SLC37A1: variants seen among roughly 807,000 people sequenced by gnomAD.
SLC37A1 encodes solute carrier family 37 member 1.
A neutral mutation model predicts 75.3 loss-of-function variants in SLC37A1; 49 were observed. The observed-to-expected ratio is 0.65, with a 90% CI of 0.52 to 0.83. SLC37A1 has a LOEUF of 0.83. Ranked by LOEUF, SLC37A1 falls within the 40% of genes least tolerant of loss-of-function variation. The pLI is 0.00. For synonymous variants in SLC37A1, 268 were observed against 292.1 expected (o/e 0.92, Z 0.84); for missense variants, 566 against 695.0 (o/e 0.81, Z 2.09).
chr21:42,543,927 C>T (rs117278742), intron 8 of SLC37A1, among the ~76,000 whole-genome samples: 8,957 of 152,334 alleles, frequency 0.059, 369 homozygotes, highest in Middle Eastern at 0.11. Context: ...TCATGCCCAT[C>T]TTGCCACCAC....
In SLC37A1 at chr21:42,554,056, TACCAG is replaced by T; in HGVS notation, c.769-5_769-1del. On this transcript the variant is annotated splice_acceptor_variant and splice_polypyrimidine_tract_variant and intron_variant, in intron 9 of 19. Transcript: ENST00000352133. LOFTEE classifies it high-confidence loss of function. ...ATCGCTCTAATGAAACTTTTTTTTTTACCAGCACTCAAAAGGCTATGAGAATGGTA... is the reference window on the plus strand; with the variant it reads ...ATCGCTCTAATGAAACTTTTTTTTTTCACTCAAAAGGCTATGAGAATGGTA... 6.2e-7 allele frequency: 1 copy of T among 1,602,498 alleles called. No individual in the cohort carries two copies. The highest frequency in any genetic ancestry group is 1.7e-5 in the Admixed American group (1 of 57,832).
At chr21:42,561,969 G>A in intron 11 of SLC37A1, 109 bp from the exon 12 acceptor site, 1 of 887,546 alleles carries the variant, frequency 1.1e-6, no homozygotes, top group Non-Finnish European at 1.9e-6. Flanking sequence ...AGCCAGACCA[G>A]AGACAGGATG....
chr21:42,559,503 A>G (rs999327605), intron 11 of SLC37A1, among the ~76,000 whole-genome samples: 1 of 152,194 alleles, frequency 6.6e-6, no homozygotes, highest in Admixed American at 6.5e-5. Flanking sequence ...ACAGGCCTTG[A>G]GCGTGAGCCC....
At chr21:42,567,994 T>A (rs1320709046) in intron 16 of SLC37A1, among the ~76,000 whole-genome samples, 1 of 152,226 alleles carries the variant, frequency 6.6e-6, no homozygotes, top group Non-Finnish European at 1.5e-5. Context: ...GACACGTGGA[T>A]GTGTCTGGGA....
At chr21:42,505,288 G>A (rs886199281) in intron 2 of SLC37A1, among the ~76,000 whole-genome samples, 25 of 152,182 alleles carry the variant, frequency 1.6e-4, no homozygotes, top group African/African-American at 5.5e-4. Context: ...ACTCTCTGCT[G>A]TGGCCATAAT....
chr21:42,575,823 C>T, intron 18 of SLC37A1: 1 of 985,400 alleles, frequency 1.0e-6, no homozygotes. Flanking sequence ...GACTCTCAAC[C>T]TATGAACTTA....
chr21:42,546,845 T>C (rs1297113719), intron 8 of SLC37A1, among the ~76,000 whole-genome samples: 1 of 152,214 alleles, frequency 6.6e-6, no homozygotes, highest in Non-Finnish European at 1.5e-5. Context: ...GTATGCAACA[T>C]GGTGTTACAG....
At chr21:42,535,430 A>G (rs2055112508) in intron 4 of SLC37A1, 42 bp from the exon 5 acceptor site, 4 of 1,548,060 alleles carry the variant, frequency 2.6e-6, no homozygotes, top group Non-Finnish European at 3.6e-6. Flanking sequence ...ACATAAACTA[A>G]ACAATACTGA....
chr21:42,517,759 G>A (rs1238695035), intron 1 of SLC37A1, among the ~76,000 whole-genome samples: 5 of 152,298 alleles, frequency 3.3e-5, no homozygotes, highest in Non-Finnish European at 5.9e-5. Context: ...AGAGGCAGAC[G>A]AGGCAAATTC....
At chr21:42,501,655 T>G (rs1375410515) in intron 1 of SLC37A1, among the ~76,000 whole-genome samples, 1 of 152,168 alleles carries the variant, frequency 6.6e-6, no homozygotes, top group Non-Finnish European at 1.5e-5. Context: ...GAGGTTGCAG[T>G]GAGCCGAGAT....
At position 42,535,620 on chromosome 21, in the gene SLC37A1, A is replaced by G. The variant is rs75815092; in HGVS notation, c.350+70A>G. The G allele has an allele frequency of 8.8e-3, 12,202 of 1,382,110 alleles. 834 individuals are homozygous for G. In the African/African-American group the frequency reaches 0.15, roughly 17 times the overall value. The allele number at this position is 1,382,110 out of a possible 1,614,324, so 85.6% of individuals were successfully genotyped here. A position where few individuals can be genotyped will look rare whatever the true frequency, so the allele number is the denominator to read the frequency against. ...CCTCCGTGCAGAGAAGACATCCGCT[A>G]TGCTGAAGTGCACAGGCGCGCGGGA... On this transcript the variant is annotated intron_variant, in intron 5 of 19. Transcript: ENST00000352133.
intron 3 of SLC37A1, among the ~76,000 whole-genome samples, chr21:42,530,650 A>ACCCCCCCCCCC (rs1460499515): frequency 3.9e-5 from 1 of 25,598 alleles, no homozygotes; most frequent in Non-Finnish European, 8.4e-5. Flanking sequence ...ACACACACAC[A>ACCCCCCCCCCC]CACACCCCCT....
At chr21:42,561,874 G>T in intron 11 of SLC37A1, 2 of 522,094 alleles carry the variant, frequency 3.8e-6, no homozygotes, top group Non-Finnish European at 6.9e-6. Flanking sequence ...GCCCCTGCTC[G>T]GGGTGAGCGC....
chr21:42,509,851 T>C (rs1362575629), upstream of SLC37A1, among the ~76,000 whole-genome samples: 1 of 152,214 alleles, frequency 6.6e-6, no homozygotes, highest in Non-Finnish European at 1.5e-5. This position sits in a 1 kb window ranked among gnomAD's most constrained non-coding sequence, Gnocchi z 4.2. Flanking sequence ...TAGTGTTTAA[T>C]GCTCTAATGC....
rs112386937 is a variant in SLC37A1 at position 42,559,074 on chromosome 21, G to A, written c.966G>A (p.Gly322=). 1.4e-5 allele frequency: 22 copies of A among 1,610,634 alleles called. 1 individual carries two copies. Among genetic ancestry groups the A allele is most frequent in the Non-Finnish European group, 1.9e-5 (22 of 1,178,710 alleles). The change falls in exon 11 of 20, where the codon GGG becomes GGA. Residue 322 remains glycine, a synonymous_variant. Transcript: ENST00000352133. Reference sequence around the variant, plus strand: ...GCACGGCCGCCATCAGCTTCACAGGGGCCTTGAAAATTCCAGTAAGTAAAC... The same window carrying A: ...GCACGGCCGCCATCAGCTTCACAGGAGCCTTGAAAATTCCAGTAAGTAAAC... ...GSGTAAISFT[G]ALKIPGVIEF...
intron 11 of SLC37A1, among the ~76,000 whole-genome samples, chr21:42,559,442 G>A (rs539411565): frequency 1.4e-4 from 22 of 152,374 alleles, no homozygotes; most frequent in African/African-American, 9.6e-5. Context: ...CCTGACTACT[G>A]TGCCACCTGG....
chr21:42,547,065 G>T lies in SLC37A1; in HGVS notation c.731-38G>T. ...TAGCTTACTTGGCATTGCCATGGTGGTGGACCTGCTCAGCCTCACTCATGT... is the reference window on the plus strand; with the variant it reads ...TAGCTTACTTGGCATTGCCATGGTGTTGGACCTGCTCAGCCTCACTCATGT... On this transcript the variant is annotated intron_variant, in intron 8 of 19. Coordinates refer to ENST00000352133, the MANE Select transcript of SLC37A1 (RefSeq NM_001320537.2). This position sits in a 1 kb window ranked among gnomAD's most constrained non-coding sequence, Gnocchi z 6.1. The T allele has an allele frequency of 6.2e-7, 1 of 1,614,070 alleles. No homozygotes were observed. The highest frequency in any genetic ancestry group is 8.5e-7 in the Non-Finnish European group (1 of 1,179,948).
At position 42,571,335 on chromosome 21, in the gene SLC37A1, G is replaced by A. The variant is rs542539428; in HGVS notation, c.1423+2897G>A. Reference sequence around the variant, plus strand: ...CAAGTGCCACACGGTTTGTTGACACGGTGTGCGCCTGGGGCGTTCACAGTG... The same window carrying A: ...CAAGTGCCACACGGTTTGTTGACACAGTGTGCGCCTGGGGCGTTCACAGTG... On this transcript the variant is annotated intron_variant, in intron 17 of 19. Coordinates refer to ENST00000352133, the MANE Select transcript of SLC37A1 (RefSeq NM_001320537.2). Among the ~76,000 whole-genome samples, 57 of 152,336 alleles carry A rather than the reference G, an allele frequency of 3.7e-4. 1 individual carries two copies. Among genetic ancestry groups the A allele is most frequent in the African/African-American group, 1.2e-3 (48 of 41,572 alleles).
chr21:42,563,969 C>CCTGAG, intron 13 of SLC37A1, 92 bp downstream of exon 13: 1 of 1,460,036 alleles, frequency 6.8e-7, no homozygotes, highest in Non-Finnish European at 9.5e-7. Flanking sequence ...ACAGGGTTCC[C>CCTGAG]CAAGGTCTCA....
Sources: gnomAD v4.1 joint callset for allele counts (sites outside exome capture counted in the v4.1 genomes callset) on GRCh38, gnomAD v4.1.1 for gene constraint, Gnocchi (gnomAD v3.1) non-coding constraint, MANE v1.5 for transcripts, NCBI Gene and HGNC (gene_info 2026-07-23, HGNC 2026-07-21) for gene names.